Variants in MYRIP observed in about 807,000 individuals in gnomAD.
MYRIP encodes rab effector MyRIP.
MYRIP carries 49 observed loss-of-function variants against 98.0 expected under a neutral mutation model. The observed-to-expected ratio is 0.50, with a 90% CI of 0.40 to 0.63. The LOEUF is 0.63. MYRIP is among the 30% of genes least tolerant of loss of function. The pLI, the probability that MYRIP is intolerant of heterozygous loss-of-function variation, is 0.00. For missense variants in MYRIP, 1,004 were observed against 1,058.2 expected (o/e 0.95, Z 0.71); for synonymous variants, 404 against 409.5 (o/e 0.99, Z 0.16).
intron 2 of MYRIP, among the ~76,000 whole-genome samples, chr3:39,951,646 T>A (rs1237755533): frequency 1.2e-4 from 18 of 152,122 alleles, no homozygotes; most frequent in Non-Finnish European, 1.3e-4. Context: ...TATGAAATAT[T>A]ATTCTTTTGT....
At chr3:39,810,341 A>G (rs1940631631) in intron 1 of MYRIP, 1 of 152,382 alleles carries the variant, frequency 6.6e-6, no homozygotes, top group Non-Finnish European at 1.5e-5. Context: ...ACCTGACTCA[A>G]ACTCTTAATT....
chr3:40,058,918 G>C (rs28377005), intron 3 of MYRIP, among the ~76,000 whole-genome samples: 1 of 150,490 alleles, frequency 6.6e-6, no homozygotes, highest in African/African-American at 2.5e-5. Flanking sequence ...TTTCTCCTAA[G>C]GCTATCCCTC....
chr3:40,017,106 G>A (rs1946880242), intron 2 of MYRIP, among the ~76,000 whole-genome samples: 1 of 152,116 alleles, frequency 6.6e-6, no homozygotes, highest in Non-Finnish European at 1.5e-5. Flanking sequence ...ACAAAATATT[G>A]GATACCTATA....
At position 40,218,619 on chromosome 3, in the gene MYRIP, TATATATA is replaced by T. The variant is rs1952212952; in HGVS notation, c.1905+8527_1905+8533del. Among the ~76,000 whole-genome samples, 21 of 17,566 alleles carry T rather than the reference TATATATA, an allele frequency of 1.2e-3. 1 individual carries two copies. The highest frequency in any genetic ancestry group is 2.0e-3 in the African/African-American group (16 of 8,152). The allele number at this position is 17,566 out of a possible 152,430, so 11.5% of individuals were successfully genotyped here. ...CACACATATATATATATTTTATATA[TATATATA>T]TATATATATATATATATATATATAT... On this transcript the variant is annotated intron_variant, in intron 11 of 16. Transcript: ENST00000302541.
chr3:40,149,604 G>T (rs1308014751), intron 3 of MYRIP, among the ~76,000 whole-genome samples: 1 of 152,096 alleles, frequency 6.6e-6, no homozygotes, highest in Non-Finnish European at 1.5e-5. Context: ...TAGGGTGTAG[G>T]GATGGGGGAC....
chr3:39,998,098 G>A (rs987012231), intron 2 of MYRIP, among the ~76,000 whole-genome samples: 3 of 152,254 alleles, frequency 2.0e-5, no homozygotes, highest in African/African-American at 7.2e-5. Flanking sequence ...GCAAAAACTG[G>A]AAGCATTCCC....
chr3:39,832,124 C>T (rs942063554), intron 1 of MYRIP, among the ~76,000 whole-genome samples: 2 of 152,202 alleles, frequency 1.3e-5, no homozygotes, highest in Admixed American at 1.3e-4. Context: ...GCATTCTCTG[C>T]ATCATGAGAA....
At chr3:39,896,104 G>A (rs1943604922) in intron 1 of MYRIP, among the ~76,000 whole-genome samples, 1 of 152,080 alleles carries the variant, frequency 6.6e-6, no homozygotes. Flanking sequence ...GTGATAAATG[G>A]AAACAAAAAA....
At chr3:39,933,484 C>T (rs1944587026) in intron 2 of MYRIP, among the ~76,000 whole-genome samples, 1 of 152,332 alleles carries the variant, frequency 6.6e-6, no homozygotes, top group South Asian at 2.1e-4. Context: ...GAAAATCCCT[C>T]ATCATATGGT....
chr3:40,101,213 C>G (rs1157205546), intron 3 of MYRIP, among the ~76,000 whole-genome samples: 1 of 152,186 alleles, frequency 6.6e-6, no homozygotes, highest in Admixed American at 6.5e-5. Context: ...CCCAGTATAT[C>G]TGCAATATAG....
intron 1 of MYRIP, among the ~76,000 whole-genome samples, chr3:39,872,481 T>TC (rs1942830160): frequency 8.5e-6 from 1 of 117,298 alleles, no homozygotes; most frequent in Non-Finnish European, 1.8e-5. Context: ...ATGCTATCCC[T>TC]CCCCCCTCCC....
At chr3:40,138,359 A>G (rs1949825464) in intron 3 of MYRIP, among the ~76,000 whole-genome samples, 1 of 152,088 alleles carries the variant, frequency 6.6e-6, no homozygotes, top group Non-Finnish European at 1.5e-5. Context: ...GGCACAACCT[A>G]TCCCATTTTG....
At chr3:39,936,656 CAAATACAGCA>C (rs1553647586) in intron 2 of MYRIP, among the ~76,000 whole-genome samples, 2 of 152,140 alleles carry the variant, frequency 1.3e-5, no homozygotes, top group Non-Finnish European at 2.9e-5. Flanking sequence ...GCAGAGCATG[CAAATACAGCA>C]TGCAGAAATA....
chr3:39,809,486 C>CG (rs1310103881), upstream of MYRIP: 6 of 147,528 alleles, frequency 4.1e-5, no homozygotes, highest in Non-Finnish European at 7.5e-5. Context: ...GGCGCGATCG[C>CG]GGGCCGCCCC....
At chr3:39,955,660 C>A (rs1337147852) in intron 2 of MYRIP, among the ~76,000 whole-genome samples, 1 of 152,090 alleles carries the variant, frequency 6.6e-6, no homozygotes, top group East Asian at 1.9e-4. Context: ...ATGACAGGAC[C>A]AAATTCACAC....
chr3:39,996,913 C>A (rs1946373709), intron 2 of MYRIP, among the ~76,000 whole-genome samples: 1 of 152,192 alleles, frequency 6.6e-6, no homozygotes, highest in Non-Finnish European at 1.5e-5. Flanking sequence ...GGAAACTGAA[C>A]AACCTGCTCC....
At chr3:40,048,186 A>G (rs1018072127) in intron 3 of MYRIP, among the ~76,000 whole-genome samples, 4 of 152,172 alleles carry the variant, frequency 2.6e-5, no homozygotes, top group African/African-American at 9.7e-5. Flanking sequence ...TGAAATCTCA[A>G]TAGTTGATAG....
chr3:40,161,924 A>C (rs1056128964), intron 4 of MYRIP, among the ~76,000 whole-genome samples: 1 of 152,166 alleles, frequency 6.6e-6, no homozygotes, highest in Non-Finnish European at 1.5e-5. Flanking sequence ...TGTGGTCACC[A>C]TGAACTGCAT....
intron 1 of MYRIP, among the ~76,000 whole-genome samples, 178 bp downstream of exon 1, chr3:39,810,094 A>T (rs1940618395): frequency 6.6e-6 from 1 of 152,096 alleles, no homozygotes; most frequent in Non-Finnish European, 1.5e-5. Context: ...GCCTCTGCGG[A>T]GGGGCGAGGG....
Sources: gnomAD v4.1 joint callset for allele counts (sites outside exome capture counted in the v4.1 genomes callset) on GRCh38, gnomAD v4.1.1 for gene constraint, MANE v1.5 for transcripts, NCBI Gene and HGNC (gene_info 2026-07-23, HGNC 2026-07-21) for gene names.